CLMP: variants seen among roughly 807,000 people sequenced by gnomAD.
CLMP encodes the protein CXADR-like membrane protein.
In CLMP, 27 loss-of-function variants were observed where a neutral mutation model predicts 45.2. The ratio of observed to expected loss-of-function variants is 0.60; its 90% confidence interval spans 0.44 to 0.82. The LOEUF is 0.82. Ranked by LOEUF, CLMP falls within the 40% of genes least tolerant of loss-of-function variation. The pLI is 0.00. For missense variants in CLMP, 403 were observed against 448.4 expected, an observed-to-expected ratio of 0.90 and a Z score of 0.91; for synonymous variants, 167 against 171.4, an observed-to-expected ratio of 0.97 and a Z score of 0.20.
rs749771551 is a variant in CLMP, at chr11:123,161,429, G to C, written c.28+33484C>G. Among the ~76,000 whole-genome samples the C allele has an allele frequency of 4.6e-5, 7 of 152,056 alleles. 1 individual carries two copies. Among genetic ancestry groups the C allele is most frequent in the Non-Finnish European group, 1.0e-4 (7 of 68,024 alleles). The stretch of plus-strand genomic sequence containing the variant: ...TGCCTGTAATCCCAGCACTTTAGGA[G>C]GCCAAGGTGAGTGGACTGCTTGAGC... On this transcript the variant is annotated intron_variant, in intron 1 of 6. Transcript: ENST00000448775.
At chr11:123,152,251 C>T (rs570556329) in intron 1 of CLMP, among the ~76,000 whole-genome samples, 3 of 152,096 alleles carry the variant, frequency 2.0e-5, no homozygotes, top group Non-Finnish European at 4.4e-5. Context: ...TGGCCGGGCA[C>T]GGTGGCTCAT....
At chr11:123,137,286 T>C (rs1861090096) in intron 1 of CLMP, among the ~76,000 whole-genome samples, 1 of 151,052 alleles carries the variant, frequency 6.6e-6, no homozygotes. Flanking sequence ...CCCGAGTAGC[T>C]GGGACTACAG....
chr11:123,117,816 A>T (rs926211405), intron 1 of CLMP, among the ~76,000 whole-genome samples: 31 of 152,194 alleles, frequency 2.0e-4, no homozygotes, highest in African/African-American at 7.5e-4. Flanking sequence ...TCATAGGGCA[A>T]TTTTTACAAA....
chr11:123,162,581 T>C (rs1050891810), intron 1 of CLMP, among the ~76,000 whole-genome samples: 1 of 151,474 alleles, frequency 6.6e-6, no homozygotes, highest in African/African-American at 2.4e-5. Flanking sequence ...AAGGAGCTTA[T>C]AGTCCACAAG....
chr11:123,080,879 T>G (rs923919115), intron 5 of CLMP, among the ~76,000 whole-genome samples: 3 of 151,906 alleles, frequency 2.0e-5, no homozygotes, highest in Admixed American at 1.3e-4. Flanking sequence ...GTGTGGTGGC[T>G]CACACCTGTG....
At chr11:123,150,623 AAAGG>A (rs1272353418) in intron 1 of CLMP, among the ~76,000 whole-genome samples, 189 of 145,042 alleles carry the variant, frequency 1.3e-3, no homozygotes, top group Non-Finnish European at 2.2e-3. Context: ...GGAAGGAAGG[AAAGG>A]AAGGAAGGAA....
At chr11:123,162,602 A>G (rs1223722328) in intron 1 of CLMP, among the ~76,000 whole-genome samples, 1 of 150,114 alleles carries the variant, frequency 6.7e-6, no homozygotes, top group East Asian at 2.0e-4. Context: ...GGAAGATAAA[A>G]GTTGCATAAA....
chr11:123,162,657 A>T (rs1433085607), intron 1 of CLMP, among the ~76,000 whole-genome samples: 1 of 151,978 alleles, frequency 6.6e-6, no homozygotes, highest in African/African-American at 2.4e-5. Flanking sequence ...GCACTTTGGG[A>T]GGTCAAGGTG....
intron 5 of CLMP, among the ~76,000 whole-genome samples, chr11:123,075,622 C>T (rs1865730038): frequency 6.6e-6 from 1 of 150,738 alleles, no homozygotes. Context: ...CTCCTGACCT[C>T]GTGATCCGCC....
At position 123,084,501 on chromosome 11, in the gene CLMP, T is replaced by C; in HGVS notation, c.388+11A>G. 1 of 1,610,174 alleles carries C rather than the reference T, an allele frequency of 6.2e-7. No homozygotes were observed. The highest frequency in any genetic ancestry group is 8.5e-7 in the Non-Finnish European group (1 of 1,176,386). On this transcript the variant is annotated intron_variant, in intron 3 of 6. Coordinates refer to ENST00000448775, the MANE Select transcript of CLMP (RefSeq NM_024769.5). ...TAAGCTGTAGACATTCACTTTGGCA[T>C]CCTATCTTACCTAAGACTTTTAAGA...
At chr11:123,140,128 G>A (rs993619613) in intron 1 of CLMP, among the ~76,000 whole-genome samples, 13 of 152,322 alleles carry the variant, frequency 8.5e-5, no homozygotes, top group South Asian at 2.1e-4. Context: ...GGGATGGATC[G>A]TAAAGTTGCA....
At chr11:123,091,654 C>T (rs549150054) in intron 2 of CLMP, among the ~76,000 whole-genome samples, 21 of 152,136 alleles carry the variant, frequency 1.4e-4, no homozygotes, top group African/African-American at 1.2e-4. Context: ...GTCTGGGCAC[C>T]GATTTCCCTA....
chr11:123,186,082 AGGGC>A (rs1861831737), intron 1 of CLMP, among the ~76,000 whole-genome samples: 3 of 152,184 alleles, frequency 2.0e-5, no homozygotes, highest in African/African-American at 7.2e-5. Flanking sequence ...AGTGCTGAAG[AGGGC>A]AAACTCTGCT....
rs113806859 is a variant in CLMP at position 123,113,514 on chromosome 11, A to G, written c.29-15562T>C. Among the ~76,000 whole-genome samples, 302 of 152,296 alleles carry G rather than the reference A, an allele frequency of 2.0e-3. 1 individual carries two copies. Among genetic ancestry groups the G allele is most frequent in the African/African-American group, 7.0e-3 (290 of 41,568 alleles). ...AGAGTACGTTAGAATTTTAGCAGCT[A>G]TACCTGGCAGGCGATGACCTTCCAG... On this transcript the variant is annotated intron_variant, in intron 1 of 6. Coordinates refer to ENST00000448775, the MANE Select transcript of CLMP (RefSeq NM_024769.5).
At chr11:123,131,552 G>A (rs996472337) in intron 1 of CLMP, among the ~76,000 whole-genome samples, 1 of 152,098 alleles carries the variant, frequency 6.6e-6, no homozygotes, top group Non-Finnish European at 1.5e-5. Flanking sequence ...GGTTACTTGA[G>A]TGGGTTTGGG....
Position 123,083,326 on chromosome 11 carries a change from T to C in CLMP, c.557-119A>G, listed in dbSNP as rs531421177. 1.7e-5 allele frequency: 18 copies of C among 1,036,066 alleles called. No homozygotes were observed. The East Asian group carries it at 3.6e-4, about 21-fold the overall frequency. The allele number at this position is 1,036,066 out of a possible 1,614,324, so 64.2% of individuals were successfully genotyped here. The stretch of plus-strand genomic sequence containing the variant: ...ATGCTATTTGATAAGAATGAAATGA[T>C]GGAAAAGATATCCTTTGGGAACATG... On this transcript the variant is annotated intron_variant, in intron 4 of 6. Transcript: ENST00000448775.
At chr11:123,120,654 A>G (rs1860801616) in intron 1 of CLMP, among the ~76,000 whole-genome samples, 1 of 152,144 alleles carries the variant, frequency 6.6e-6, no homozygotes, top group African/African-American at 2.4e-5. Context: ...AACATAGTAA[A>G]TGTTCAATAA....
intron 1 of CLMP, among the ~76,000 whole-genome samples, chr11:123,171,104 C>T (rs1861626923): frequency 6.6e-6 from 1 of 152,146 alleles, no homozygotes; most frequent in African/African-American, 2.4e-5. Context: ...GAGGGGCTAA[C>T]CTCTGAGCTT....
chr11:123,188,399 T>G (rs1001006627), intron 1 of CLMP, among the ~76,000 whole-genome samples: 5 of 152,048 alleles, frequency 3.3e-5, no homozygotes, highest in African/African-American at 1.2e-4. Context: ...CCCTACAGTC[T>G]CTGTGCCTTC....
Sources: allele counts gnomAD v4.1 joint callset (sites outside exome capture counted in the v4.1 genomes callset), GRCh38; gene constraint gnomAD v4.1.1; transcripts MANE v1.5; gene names NCBI Gene and HGNC (gene_info 2026-07-23, HGNC 2026-07-21).